The following ARHGAP19 variants were observed in gnomAD, a reference collection of about 807,000 sequenced individuals.
ARHGAP19 encodes the protein rho GTPase-activating protein 19.
In ARHGAP19, 48 loss-of-function variants were observed where a neutral mutation model predicts 60.9. That is an observed-to-expected ratio of 0.79 (90% CI 0.62 to 1.00). The LOEUF (loss-of-function observed/expected upper bound fraction) is 1.00. Among genes scored for constraint, ARHGAP19 ranks in the 50% least tolerant of loss-of-function variants. ARHGAP19 has a pLI of 0.00. For missense variants in ARHGAP19, 562 were observed against 597.2 expected (o/e 0.94, Z 0.61); for synonymous variants, 209 against 215.5 (o/e 0.97, Z 0.27).
At chr10:97,248,962 G>A (rs929617975) in intron 6 of ARHGAP19, among the ~76,000 whole-genome samples, 1 of 152,092 alleles carries the variant, frequency 6.6e-6, no homozygotes, top group African/African-American at 2.4e-5. Flanking sequence ...GACCACAGGA[G>A]TGTGCCATCA....
intron 1 of ARHGAP19, among the ~76,000 whole-genome samples, chr10:97,274,769 T>C (rs1264769198): frequency 1.3e-5 from 2 of 152,202 alleles, no homozygotes; most frequent in South Asian, 2.1e-4. Context: ...AGTTTTTACA[T>C]AGATGGCCAG....
At chr10:97,279,924 T>C (rs559341198) in intron 1 of ARHGAP19, among the ~76,000 whole-genome samples, 1 of 152,348 alleles carries the variant, frequency 6.6e-6, no homozygotes, top group Admixed American at 6.5e-5. Flanking sequence ...CCCTATGGAA[T>C]GACAATGTAA....
intron 8 of ARHGAP19, among the ~76,000 whole-genome samples, chr10:97,243,584 A>AACGG (rs1446974182): frequency 6.6e-6 from 1 of 152,230 alleles, no homozygotes; most frequent in African/African-American, 2.4e-5. Flanking sequence ...TAATTTTTAC[A>AACGG]ACTTTGAAAC....
chr10:97,265,354 G>C (rs1345698738), intron 2 of ARHGAP19: 1 of 175,696 alleles, frequency 5.7e-6, no homozygotes, highest in Admixed American at 5.8e-5. Flanking sequence ...ATAGAGAACA[G>C]TCAGGCATGG....
chr10:97,265,663 G>T, intron 2 of ARHGAP19, 197 bp downstream of exon 2: 1 of 611,192 alleles, frequency 1.6e-6, no homozygotes. Context: ...ATTTGCTTTA[G>T]TTTAATTATT....
intron 8 of ARHGAP19, among the ~76,000 whole-genome samples, chr10:97,238,857 A>G (rs960092874): frequency 6.6e-6 from 1 of 152,222 alleles, no homozygotes. Context: ...TTACTGACAC[A>G]CCTAGAGTAA....
intron 6 of ARHGAP19, among the ~76,000 whole-genome samples, chr10:97,253,780 C>T (rs1842720790): frequency 1.3e-5 from 2 of 151,992 alleles, no homozygotes; most frequent in Admixed American, 1.3e-4. Flanking sequence ...TATTATGTGT[C>T]AATAAAAAGT....
In ARHGAP19 at chr10:97,282,832, C is replaced by G. The variant is rs1444900415; in HGVS notation, c.56+9740G>C. Among the ~76,000 whole-genome samples the G allele has an allele frequency of 3.2e-5, 4 of 124,452 alleles. No homozygotes were observed. In the East Asian group the frequency reaches 9.1e-4, roughly 28 times the overall value. 81.6% of individuals were successfully genotyped at this position (124,452 alleles called of 152,430 possible). ...CTCTGTTTAAAGTACTATGTAGTTT[C>G]TTTTTTCTTTTTTTTTTTTTTTTTT... is the stretch of plus-strand genomic sequence containing the variant. On this transcript the variant is annotated intron_variant, in intron 1 of 11. Coordinates refer to ENST00000358531, the MANE Select transcript of ARHGAP19 (RefSeq NM_032900.6).
intron 1 of ARHGAP19, among the ~76,000 whole-genome samples, chr10:97,278,801 T>G (rs763709245): frequency 1.1e-4 from 7 of 66,148 alleles, no homozygotes; most frequent in Non-Finnish European, 2.5e-4. Context: ...TCTGCAAAAT[T>G]CAAGGCAGTT....
chr10:97,260,439 A>G (rs1410253560), intron 4 of ARHGAP19, among the ~76,000 whole-genome samples: 1 of 151,846 alleles, frequency 6.6e-6, no homozygotes, highest in Non-Finnish European at 1.5e-5. Flanking sequence ...CAGAGGCAGG[A>G]GTATGGCGTG....
chr10:97,284,598 C>G (rs772888144), intron 1 of ARHGAP19, among the ~76,000 whole-genome samples: 42 of 152,072 alleles, frequency 2.8e-4, no homozygotes, highest in Non-Finnish European at 4.4e-4. Context: ...CTTGACCTCC[C>G]AGGCTCAAGC....
intron 1 of ARHGAP19, among the ~76,000 whole-genome samples, chr10:97,281,522 T>C (rs749540193): frequency 2.6e-5 from 4 of 152,222 alleles, no homozygotes; most frequent in South Asian, 4.1e-4. Flanking sequence ...CTGAGACATA[T>C]GGTACCCAAA....
Position 97,287,370 on chromosome 10 carries a change from T to C in ARHGAP19, c.56+5202A>G, listed in dbSNP as rs148433896. Among the ~76,000 whole-genome samples the C allele has an allele frequency of 1.0e-3, 154 of 152,254 alleles. 1 individual carries two copies. The highest frequency in any genetic ancestry group is 3.6e-3 in the African/African-American group (150 of 41,546). On this transcript the variant is annotated intron_variant, in intron 1 of 11. Coordinates refer to ENST00000358531, the MANE Select transcript of ARHGAP19 (RefSeq NM_032900.6). ...CATTCTACTTAATAAAAACCAGAAA[T>C]GGAAGGGAGGGGGTGTTCCTCATCA...
chr10:97,226,059 G>A lies in ARHGAP19; in HGVS notation c.*63C>T. 6.3e-7 allele frequency: 1 copy of A among 1,576,078 alleles called. No homozygotes were observed. The highest frequency in any genetic ancestry group is 8.7e-7 in the Non-Finnish European group (1 of 1,149,526). On this transcript the variant is annotated 3_prime_UTR_variant, in exon 12 of 12. Coordinates refer to ENST00000358531, the MANE Select transcript of ARHGAP19 (RefSeq NM_032900.6). ...CAAGTCCAAGCTTTGCTGTGGGCAG[G>A]AATAACACCTGCCCACTAAACAGAA... is the stretch of plus-strand genomic sequence containing the variant.
Position 97,229,836 on chromosome 10 carries a change from T to C in ARHGAP19, c.1323A>G (p.Lys441=), listed in dbSNP as rs1198251028. The C allele has an allele frequency of 6.2e-7, 1 of 1,612,890 alleles. No individual in the cohort carries two copies. The stretch of plus-strand genomic sequence containing the variant: ...CAGATTCTGGAGTAGGGTTCTTCTT[T>C]TTCTTTTCTGACATCATCTGATTTC... ...VLGNQMMSEK[K]KKNPTPESVA... The change falls in exon 10 of 12, where the codon AAA becomes AAG. Residue 441 remains lysine (K), a synonymous_variant. Transcript: ENST00000358531.
At chr10:97,230,757 G>A (rs1850992940) in intron 9 of ARHGAP19, among the ~76,000 whole-genome samples, 1 of 152,144 alleles carries the variant, frequency 6.6e-6, no homozygotes, top group African/African-American at 2.4e-5. Flanking sequence ...TGATAAGGCT[G>A]AGGGAAAACA....
chr10:97,235,372 C>T, intron 8 of ARHGAP19, 57 bp from the exon 9 acceptor site: 1 of 1,416,000 alleles, frequency 7.1e-7, no homozygotes. Flanking sequence ...ACACGGCATT[C>T]TGTGACAACT....
chr10:97,274,847 A>G (rs1843003908), intron 1 of ARHGAP19, among the ~76,000 whole-genome samples: 1 of 152,224 alleles, frequency 6.6e-6, no homozygotes, highest in South Asian at 2.1e-4. Flanking sequence ...CAACTATCCC[A>G]AAGAATGATA....
At position 97,264,925 on chromosome 10, in the gene ARHGAP19, T is replaced by C. The variant is rs1464415656; in HGVS notation, c.323-19A>G. On this transcript the variant is annotated intron_variant, in intron 2 of 11. Coordinates refer to ENST00000358531, the MANE Select transcript of ARHGAP19 (RefSeq NM_032900.6). ...CCTTTTTCTGAAAAACCATATGATA[T>C]GACAGGGCTATATTTCACACAAATA... The C allele has an allele frequency of 4.4e-6, 7 of 1,574,710 alleles. No individual in the cohort carries two copies. The highest frequency in any genetic ancestry group is 2.2e-5 in the East Asian group (1 of 44,674).
Sources: gnomAD v4.1 joint callset for allele counts (sites outside exome capture counted in the v4.1 genomes callset) on GRCh38, gnomAD v4.1.1 for gene constraint, MANE v1.5 for transcripts, NCBI Gene and HGNC (gene_info 2026-07-23, HGNC 2026-07-21) for gene names.